Variants in GUCY2D observed in about 807,000 individuals in gnomAD.
GUCY2D encodes the protein guanylate cyclase 2D, retinal.
Under a neutral mutation model 101.3 loss-of-function variants are expected in GUCY2D, and 70 were observed. That is an observed-to-expected ratio of 0.69 (90% CI 0.57 to 0.84). The LOEUF (loss-of-function observed/expected upper bound fraction) is 0.84. Ranked by LOEUF, GUCY2D falls within the 40% of genes least tolerant of loss-of-function variation. The probability of loss-of-function intolerance (pLI) is 0.00; values close to 1 mark genes in which losing one functional copy is unlikely to be tolerated. For missense variants in GUCY2D, 1,460 were observed against 1,542.5 expected, an observed-to-expected ratio of 0.95 and a Z score of 0.90; for synonymous variants, 688 against 670.7, an observed-to-expected ratio of 1.03 and a Z score of -0.40.
intron 14 of GUCY2D, 47 bp from the exon 15 acceptor site, chr17:8,015,281 G>T: frequency 6.5e-7 from 1 of 1,548,138 alleles, no homozygotes; most frequent in South Asian, 1.1e-5. Context: ...TCGTGTACTC[G>T]GGGGGAATGC....
In GUCY2D at chr17:8,003,458, G is replaced by T; in HGVS notation, c.411G>T (p.Glu137Asp). The T allele has an allele frequency of 6.6e-7, 1 of 1,521,450 alleles. No individual in the cohort carries two copies. Among genetic ancestry groups the T allele is most frequent in the East Asian group, 2.5e-5 (1 of 39,324 alleles). The allele number at this position is 1,521,450 out of a possible 1,614,324, so 94.2% of individuals were successfully genotyped here. A position where few individuals can be genotyped will look rare whatever the true frequency, so the allele number is the denominator to read the frequency against. ...ACCCTGCGGCCTGCCGGCCAGCCGA[G>T]CTGCTCGCCGAAGAAGCCGGGATCG... ...PVNPAACRPA[E>D]LLAEEAGIAL... Residue 137 changes from glutamate (E) to aspartate (D), a missense_variant, in exon 2 of 20, where the codon GAG becomes GAT. Glu to Asp is a conservative substitution (Grantham distance 45, BLOSUM62 2). Coordinates refer to ENST00000254854, the MANE Select transcript of GUCY2D (RefSeq NM_000180.4).
Position 8,004,046 on chromosome 17 carries a change from G to A in GUCY2D, c.916G>A (p.Asp306Asn), listed in dbSNP as rs1165027778. Reference protein sequence around the residue: ...ANSSQLRRAHDAVLTLTRHCP... With the variant: ...ANSSQLRRAHNAVLTLTRHCP... ...CAGCTCCCAGCTTCGCAGGGCCCAC[G>A]ATGCCGTGCTCACCCTCACGCGCCA... Residue 306 changes from aspartate (D) to asparagine (N), a missense_variant, in exon 3 of 20, where the codon GAT (aspartate) becomes AAT (asparagine). Around this residue, in one of 3 missense-constraint regions of GUCY2D, gnomAD observed 1,196 missense variants for 1,229.6 expected, o/e 0.97. Transcript: ENST00000254854. The A allele has an allele frequency of 1.2e-6, 2 of 1,610,282 alleles. No homozygotes were observed. The highest frequency in any genetic ancestry group is 3.3e-4 in the Middle Eastern group (2 of 6,062).
rs1316723509 is a variant in GUCY2D at position 8,016,230 on chromosome 17, G to A, written c.3164G>A (p.Trp1055Ter). 6.3e-7 allele frequency: 1 copy of A among 1,591,776 alleles called. No individual in the cohort carries two copies. Among genetic ancestry groups the A allele is most frequent in the Non-Finnish European group, 8.5e-7 (1 of 1,169,660 alleles). The change falls in exon 18 of 20, where the codon TGG becomes TAG. Residue 1055 changes from tryptophan to a stop codon, truncating the protein, a stop_gained. Transcript: ENST00000254854. LOFTEE classifies it high-confidence loss of function. Reference sequence around the variant, plus strand: ...GGCAAGGGCGCCGAGGACACTTTCTGGCTAGTGGGCAGACGCGGCTTCAAC... The same window carrying A: ...GGCAAGGGCGCCGAGGACACTTTCTAGCTAGTGGGCAGACGCGGCTTCAAC... ...LKGKGAEDTF[W>*]LVGRRGFNKP... is the part of the protein sequence containing the mutation.
Position 8,014,964 on chromosome 17 carries a change from C to T in GUCY2D, c.2682C>T (p.Ala894=), listed in dbSNP as rs765266637. 6 of 1,613,866 alleles carry T rather than the reference C, an allele frequency of 3.7e-6. No homozygotes were observed. In the Admixed American group the frequency reaches 5.0e-5, roughly 13 times the overall value. ...SDIVGFTTIS[A]MSEPIEVVDL... Reference sequence around the variant, plus strand: ...TTGTGGGCTTCACCACCATCTCTGCCATGAGTGAGCCCATTGAGGTTGTGG... The same window carrying T: ...TTGTGGGCTTCACCACCATCTCTGCTATGAGTGAGCCCATTGAGGTTGTGG... Residue 894 remains alanine (A), a synonymous_variant, in exon 14 of 20, where the codon GCC becomes GCT. Transcript: ENST00000254854. This position sits in a 1 kb window ranked among gnomAD's most constrained non-coding sequence, Gnocchi z 4.0.
In GUCY2D at chr17:8,002,960, G is replaced by A; in HGVS notation, c.-9-79G>A. Reference sequence around the variant, plus strand: ...TCATCCCATGGGTTACTCGGGCTTGGAGAAACTCGGGGTTACGGGGAGAAC... The same window carrying A: ...TCATCCCATGGGTTACTCGGGCTTGAAGAAACTCGGGGTTACGGGGAGAAC... On this transcript the variant is annotated intron_variant, in intron 1 of 19. Transcript: ENST00000254854. This position sits in a 1 kb window ranked among gnomAD's most constrained non-coding sequence, Gnocchi z 4.9. The A allele has an allele frequency of 2.6e-6, 3 of 1,147,404 alleles. No homozygotes were observed. Among genetic ancestry groups the A allele is most frequent in the Non-Finnish European group, 3.7e-6 (3 of 817,424 alleles). 71.1% of individuals were successfully genotyped at this position (1,147,404 alleles called of 1,614,324 possible). A position where few individuals can be genotyped will look rare whatever the true frequency, so the allele number is the denominator to read the frequency against.
chr17:8,006,829 C>CT (rs1975753879), intron 4 of GUCY2D, 115 bp downstream of exon 4: 1 of 1,003,384 alleles, frequency 1.0e-6, no homozygotes, highest in East Asian at 2.6e-5. Context: ...TCTAGGCCCT[C>CT]TCCCAGCCTC....
intron 7 of GUCY2D, among the ~76,000 whole-genome samples, chr17:8,008,929 G>A (rs959659258): frequency 2.0e-5 from 3 of 152,150 alleles, no homozygotes; most frequent in African/African-American, 7.2e-5. Context: ...CATAATTAGC[G>A]AGATCCAGGG....
At position 8,007,532 on chromosome 17, in the gene GUCY2D, G is replaced by A. The variant is rs1191933070; in HGVS notation, c.1566+4G>A. 6.4e-6 allele frequency: 10 copies of A among 1,564,700 alleles called. No individual in the cohort carries two copies. Among genetic ancestry groups the A allele is most frequent in the Admixed American group, 1.7e-5 (1 of 59,936 alleles). ...ACATGGGGGCACCTCTCGAAAGGTG[G>A]GGGAGGCAGAGAGGCAGGAGCCAGT... On this transcript the variant is annotated splice_donor_region_variant and intron_variant, in intron 6 of 19. Transcript: ENST00000254854.
rs1005430055 is a variant in GUCY2D, at chr17:8,011,041, G to A, written c.1750-1103G>A. ...CGTAACGCCAAGCAGAGCAGCCCCC[G>A]GCCAGGTTGCAGGCACACGCCATTT... On this transcript the variant is annotated intron_variant, in intron 8 of 19. Transcript: ENST00000254854. The surrounding 1 kb of genome is among the most constrained non-coding windows in gnomAD (Gnocchi z 4.3). Among the ~76,000 whole-genome samples the A allele has an allele frequency of 3.9e-5, 6 of 151,966 alleles. No homozygotes were observed. The highest frequency in any genetic ancestry group is 8.8e-5 in the Non-Finnish European group (6 of 67,992).
Position 8,004,101 on chromosome 17 carries a change from G to A in GUCY2D, c.971G>A (p.Ser324Asn), listed in dbSNP as rs781230982. 6.2e-7 allele frequency: 1 copy of A among 1,602,150 alleles called. No homozygotes were observed. Among genetic ancestry groups the A allele is most frequent in the South Asian group, 1.1e-5 (1 of 90,992 alleles). The change falls in exon 3 of 20, where the codon AGC becomes AAC. Residue 324 changes from serine (S) to asparagine (N), a missense_variant. Coordinates refer to ENST00000254854, the MANE Select transcript of GUCY2D (RefSeq NM_000180.4). ...CCCTCTGAAGGCAGCGTGCTGGACA[G>A]CCTGCGCAGGGCTCAAGAGCGCCGC... ...HCPSEGSVLDSLRRAQERREL... is the reference protein window; with the variant it reads ...HCPSEGSVLDNLRRAQERREL...
chr17:8,016,267 C>T lies in GUCY2D; in HGVS notation c.3201C>T (p.Pro1067=). The change falls in exon 18 of 20, where the codon CCC becomes CCT. Residue 1067 remains proline (P), a synonymous_variant. Transcript: ENST00000254854. ...GACGCGGCTTCAACAAGCCCATCCC[C>T]AAACCGCCTGACCTGCAACCGGGGT... The part of the protein sequence containing the change: ...VGRRGFNKPI[P]KPPDLQPGSS... The T allele has an allele frequency of 1.3e-6, 2 of 1,579,418 alleles. No homozygotes were observed. Among genetic ancestry groups the T allele is most frequent in the Non-Finnish European group, 1.7e-6 (2 of 1,162,810 alleles).
chr17:8,013,885 G>T lies in GUCY2D; in HGVS notation c.2269G>T (p.Val757Leu). 6 of 1,613,686 alleles carry T rather than the reference G, an allele frequency of 3.7e-6. No individual in the cohort carries two copies. The highest frequency in any genetic ancestry group is 5.1e-6 in the Non-Finnish European group (6 of 1,179,666). The change falls in exon 12 of 20, where the codon GTG becomes TTG. Residue 757 changes from valine to leucine, a missense_variant. Val to Leu is a conservative substitution (Grantham distance 32). Transcript: ENST00000254854. The surrounding 1 kb of genome is among the most constrained non-coding windows in gnomAD (Gnocchi z 5.0). ...AMLELTPEEVVQRVRSPPPLC... is the reference protein window; with the variant it reads ...AMLELTPEEVLQRVRSPPPLC... ...CTGTCCCCTCATGCCTCCAGAAGTG[G>T]TGCAGAGGGTGCGGAGCCCCCCTCC...
chr17:8,017,817 C>T lies in GUCY2D; in HGVS notation c.*24+1263C>T, dbSNP rs540118139. Among the ~76,000 whole-genome samples, 62 of 152,172 alleles carry T rather than the reference C, an allele frequency of 4.1e-4. No homozygotes were observed. In the Middle Eastern group the frequency reaches 0.01, roughly 25 times the overall value. On this transcript the variant is annotated intron_variant, in intron 19 of 19. Transcript: ENST00000254854. ...AAGTGATTCTCCTACCTCAGCCTGCCGAGTAGCTGGGATTACAGGCACCCG... is the reference window on the plus strand; with the variant it reads ...AAGTGATTCTCCTACCTCAGCCTGCTGAGTAGCTGGGATTACAGGCACCCG...
intron 19 of GUCY2D, among the ~76,000 whole-genome samples, chr17:8,019,852 C>T (rs1228250055): frequency 6.6e-6 from 1 of 152,200 alleles, no homozygotes; most frequent in East Asian, 1.9e-4. Context: ...TGGGCAACTC[C>T]CAGCGCATGA....
chr17:8,004,999 T>C (rs1351078334), intron 3 of GUCY2D, among the ~76,000 whole-genome samples: 3 of 151,794 alleles, frequency 2.0e-5, no homozygotes, highest in Non-Finnish European at 4.4e-5. Flanking sequence ...GGTCGGTCAG[T>C]GGAGAGAGGG....
rs116870332 is a variant in GUCY2D, at chr17:8,015,852, C to T, written c.3043+11C>T. 0.021 allele frequency: 33,306 copies of T among 1,608,096 alleles called. 458 individuals are homozygous for T. Among genetic ancestry groups the T allele is most frequent in the Middle Eastern group, 0.058 (353 of 6,052 alleles). ...AGTCCACCGGGCTGCGTGAGTGTGA[C>T]GGGGACAAGACGGGGAGGTGGGAGG... On this transcript the variant is annotated intron_variant, in intron 16 of 19. Coordinates refer to ENST00000254854, the MANE Select transcript of GUCY2D (RefSeq NM_000180.4).
chr17:8,003,081 C>T lies in GUCY2D; in HGVS notation c.34C>T (p.Pro12Ser), dbSNP rs1211177711. Residue 12 changes from proline to serine, a missense_variant, in exon 2 of 20, where the codon CCG (proline) becomes TCG (serine). By Grantham distance (74) the Pro-to-Ser change is moderately conservative. Around this residue, in one of 3 missense-constraint regions of GUCY2D, gnomAD observed 1,196 missense variants for 1,229.6 expected, o/e 0.97. Coordinates refer to ENST00000254854, the MANE Select transcript of GUCY2D (RefSeq NM_000180.4). ...TACARRAGGL[P>S]DPGLCGPAWW... ...CTGCGCCCGCCGAGCGGGTGGGCTTCCGGACCCCGGGCTCTGCGGTCCCGC... is the reference window on the plus strand; with the variant it reads ...CTGCGCCCGCCGAGCGGGTGGGCTTTCGGACCCCGGGCTCTGCGGTCCCGC... 2 of 1,525,908 alleles carry T rather than the reference C, an allele frequency of 1.3e-6. No individual in the cohort carries two copies. Among genetic ancestry groups the T allele is most frequent in the East Asian group, 2.5e-5 (1 of 39,880 alleles). 94.5% of individuals were successfully genotyped at this position (1,525,908 alleles called of 1,614,324 possible).
Position 8,014,564 on chromosome 17 carries a change from G to A in GUCY2D, c.2413-37G>A, listed in dbSNP as rs774923254. On this transcript the variant is annotated intron_variant, in intron 12 of 19. Coordinates refer to ENST00000254854, the MANE Select transcript of GUCY2D (RefSeq NM_000180.4). The surrounding 1 kb of genome is among the most constrained non-coding windows in gnomAD (Gnocchi z 4.0). The stretch of plus-strand genomic sequence containing the variant: ...GCATAAAGAGGGCATGGCAACCCAG[G>A]TCTTCAGCAGCTTTACCAGCTTCCT... 14 of 1,610,698 alleles carry A rather than the reference G, an allele frequency of 8.7e-6. No homozygotes were observed. In the East Asian group the frequency reaches 2.7e-4, roughly 31 times the overall value.
At chr17:8,012,684 C>T in intron 10 of GUCY2D, 78 bp downstream of exon 10, 1 of 1,154,042 alleles carries the variant, frequency 8.7e-7, no homozygotes, top group South Asian at 1.2e-5. Context: ...TCCTCCCTAC[C>T]TCTGCCCTCG....
Sources: gnomAD v4.1 joint callset for allele counts (sites outside exome capture counted in the v4.1 genomes callset) on GRCh38, gnomAD v4.1.1 for gene constraint, gnomAD v4.1.1 regional missense constraint, Gnocchi (gnomAD v3.1) non-coding constraint, MANE v1.5 for transcripts, NCBI Gene and HGNC (gene_info 2026-07-23, HGNC 2026-07-21) for gene names.